HMGN1: variants seen among roughly 807,000 people sequenced by gnomAD.
HMGN1 encodes non-histone chromosomal protein HMG-14.
HMGN1 carries 9 observed loss-of-function variants against 18.4 expected under a neutral mutation model. The ratio of observed to expected loss-of-function variants is 0.49; its 90% CI spans 0.29 to 0.85. The LOEUF is 0.85. HMGN1 is among the 40% of genes least tolerant of loss of function. The pLI is 0.07. For synonymous variants in HMGN1, 59 were observed against 45.0 expected (o/e 1.31, Z -1.24); for missense variants, 151 against 119.2 (o/e 1.27, Z -1.24).
At chr21:39,345,761 C>T in intron 4 of HMGN1, 1 of 1,212,188 alleles carries the variant, frequency 8.2e-7, no homozygotes, top group Middle Eastern at 2.2e-4. Flanking sequence ...CCACCCATCC[C>T]CAAATTTGTT....
Position 39,344,382 on chromosome 21 carries a change from A to C in HMGN1, c.255+764T>G, listed in dbSNP as rs1474491. 5.3e-3 allele frequency among the ~76,000 whole-genome samples: 813 copies of C among 152,334 alleles called. 7 individuals are homozygous for C. Among genetic ancestry groups the C allele is most frequent in the African/African-American group, 0.019 (783 of 41,584 alleles). On this transcript the variant is annotated intron_variant, in intron 5 of 5. Coordinates refer to ENST00000380749, the MANE Select transcript of HMGN1 (RefSeq NM_004965.7). ...AACTTAAGAATTTGATAAATATCAA[A>C]TATAAACATCAAATACTTAAGTGAT... is the stretch of plus-strand genomic sequence containing the variant.
intron 5 of HMGN1, 37 bp downstream of exon 5, chr21:39,345,107 AAT>A: frequency 6.7e-7 from 1 of 1,485,086 alleles, no homozygotes; most frequent in Non-Finnish European, 8.9e-7. Context: ...GAGTCAAAGC[AAT>A]CACACACACA....
At chr21:39,347,938 G>C in intron 4 of HMGN1, 1 of 1,063,326 alleles carries the variant, frequency 9.4e-7, no homozygotes, top group Non-Finnish European at 1.1e-6. Flanking sequence ...TCCTGGCCTC[G>C]GTGCTATCTT....
chr21:39,348,412 C>A lies in HMGN1; in HGVS notation c.78+10G>T. ...GGAAAACGAACGGTTACGGGGCTCG[C>A]TTTACTTACAGCTGACAACCGCGCC... On this transcript the variant is annotated intron_variant, in intron 3 of 5. Coordinates refer to ENST00000380749, the MANE Select transcript of HMGN1 (RefSeq NM_004965.7). The A allele has an allele frequency of 6.2e-7, 1 of 1,614,184 alleles. No individual in the cohort carries two copies. The highest frequency in any genetic ancestry group is 8.5e-7 in the Non-Finnish European group (1 of 1,180,042).
intron 4 of HMGN1, chr21:39,348,064 T>C (rs2146860051): frequency 1.0e-6 from 1 of 993,150 alleles, no homozygotes; most frequent in South Asian, 1.9e-5. Flanking sequence ...TTAATATTTT[T>C]TGTCGTCCTA....
At chr21:39,344,066 C>G (rs2036955481) in intron 5 of HMGN1, among the ~76,000 whole-genome samples, 1 of 152,034 alleles carries the variant, frequency 6.6e-6, no homozygotes, top group Non-Finnish European at 1.5e-5. Flanking sequence ...ACCAGCCTGG[C>G]TAACACGGCG....
In HMGN1 at chr21:39,343,825, T is replaced by C. The variant is rs139973001; in HGVS notation, c.256-666A>G. On this transcript the variant is annotated intron_variant, in intron 5 of 5. Coordinates refer to ENST00000380749, the MANE Select transcript of HMGN1 (RefSeq NM_004965.7). ...CATACTTGTGGCAGCCTTATATTAA[T>C]AGAACACAGCTATAAACAAGGGAAA... is the stretch of plus-strand genomic sequence containing the variant. 2.0e-4 allele frequency among the ~76,000 whole-genome samples: 30 copies of C among 152,344 alleles called. 1 individual carries two copies. The East Asian group carries it at 5.8e-3, about 29-fold the overall frequency.
At chr21:39,345,507 C>G in intron 4 of HMGN1, 1 of 563,942 alleles carries the variant, frequency 1.8e-6, no homozygotes, top group Non-Finnish European at 3.2e-6. Context: ...TAATGTCTAT[C>G]ACACATCAGT....
chr21:39,347,367 TTTG>T, intron 4 of HMGN1: 12 of 1,097,116 alleles, frequency 1.1e-5, no homozygotes, highest in Non-Finnish European at 1.3e-5. Flanking sequence ...AAAAAACATC[TTTG>T]TTTTATACCT....
At position 39,343,088 on chromosome 21, in the gene HMGN1, C is replaced by G. The variant is rs372081311; in HGVS notation, c.*24G>C. 7.9e-6 allele frequency: 11 copies of G among 1,392,058 alleles called. No homozygotes were observed. Among genetic ancestry groups the G allele is most frequent in the Admixed American group, 1.8e-5 (1 of 55,588 alleles). 86.2% of individuals were successfully genotyped at this position (1,392,058 alleles called of 1,614,324 possible). On this transcript the variant is annotated 3_prime_UTR_variant, in exon 6 of 6. Transcript: ENST00000380749. ...TGTACAAGAAGGGAGACAGGGACCA[C>G]TGATAAGACATGGTATATGGTTATT...
chr21:39,348,490 G>A (rs750009136), intron 2 of HMGN1, 39 bp from the exon 3 acceptor site: 30 of 1,614,100 alleles, frequency 1.9e-5, no homozygotes, highest in Non-Finnish European at 2.4e-5. Flanking sequence ...AGAAGAGAAG[G>A]CAGGCCAGCG....
In HMGN1 at chr21:39,348,532, G is replaced by A. The variant is rs1190540626; in HGVS notation, c.48+13C>T. On this transcript the variant is annotated intron_variant, in intron 2 of 5. Transcript: ENST00000380749. ...GGGAAACCCACCACCCCCCGCAGAA[G>A]GCCCGCACTCACCTCTTCCTTGGCG... 11 of 1,613,312 alleles carry A rather than the reference G, an allele frequency of 6.8e-6. No individual in the cohort carries two copies. In the Admixed American group the frequency reaches 1.0e-4, roughly 15 times the overall value.
chr21:39,348,167 AATT>A (rs2037127010), intron 4 of HMGN1, 122 bp downstream of exon 4: 1 of 1,308,400 alleles, frequency 7.6e-7, no homozygotes, highest in Non-Finnish European at 1.1e-6. Flanking sequence ...CCACTAGAAA[AATT>A]ATTTACCGTA....
chr21:39,346,019 G>C lies in HMGN1; in HGVS notation c.127-745C>G. ...TTGATACATTAAGTTCAAAATTTAA[G>C]CCATGTTAAAGAAACATAAAAATAC... On this transcript the variant is annotated intron_variant, in intron 4 of 5. Coordinates refer to ENST00000380749, the MANE Select transcript of HMGN1 (RefSeq NM_004965.7). 4 of 1,105,174 alleles carry C rather than the reference G, an allele frequency of 3.6e-6. No individual in the cohort carries two copies. In the South Asian group the frequency reaches 3.9e-5, roughly 11 times the overall value. The allele number at this position is 1,105,174 out of a possible 1,614,324, so 68.5% of individuals were successfully genotyped here.
At position 39,348,311 on chromosome 21, in the gene HMGN1, G is replaced by A; in HGVS notation, c.107C>T (p.Pro36Leu). The A allele has an allele frequency of 6.8e-6, 11 of 1,614,052 alleles. No individual in the cohort carries two copies. Among genetic ancestry groups the A allele is most frequent in the Non-Finnish European group, 9.3e-6 (11 of 1,179,978 alleles). ...AKPPAKVEAK[P>L]KKAAAKDKSS... ...GCTTACCTTCGCTGCTGCCTTTTTC[G>A]GCTTCGCTTCCACTTTTGCAGGAGG... The change falls in exon 4 of 6, where the codon CCG (proline) becomes CTG (leucine). Residue 36 changes from proline to leucine, a missense_variant. Pro to Leu is a moderately conservative substitution (Grantham distance 98). Coordinates refer to ENST00000380749, the MANE Select transcript of HMGN1 (RefSeq NM_004965.7).
intron 4 of HMGN1, chr21:39,347,159 T>C: frequency 5.0e-6 from 1 of 200,380 alleles, no homozygotes; most frequent in Non-Finnish European, 9.4e-6. Context: ...GCCTTCAAGT[T>C]TCCGTGCTGT....
At chr21:39,344,417 TAAAAATCAATATACTA>T (rs1223039401) in intron 5 of HMGN1, 1 of 152,134 alleles carries the variant, frequency 6.6e-6, no homozygotes, top group Non-Finnish European at 1.5e-5. Flanking sequence ...TATCAAAATT[TAAAAATCAATATACTA>T]AATTACTTAT....
intron 5 of HMGN1, 147 bp from the exon 6 acceptor site, chr21:39,343,306 C>T: frequency 2.9e-6 from 2 of 683,838 alleles, no homozygotes; most frequent in African/African-American, 1.8e-5. Flanking sequence ...TTGTTAACCA[C>T]CCCCTCACCC....
chr21:39,348,174 T>C (rs1321896719), intron 4 of HMGN1, 118 bp downstream of exon 4: 1 of 1,331,808 alleles, frequency 7.5e-7, no homozygotes, highest in Admixed American at 2.1e-5. Context: ...AAAAATTATT[T>C]ACCGTAATTA....
Sources: allele counts gnomAD v4.1 joint callset (sites outside exome capture counted in the v4.1 genomes callset), GRCh38; gene constraint gnomAD v4.1.1; transcripts MANE v1.5; gene names NCBI Gene and HGNC (gene_info 2026-07-23, HGNC 2026-07-21).